HHAT: variants seen among roughly 807,000 people sequenced by gnomAD.
HHAT encodes the protein protein-cysteine N-palmitoyltransferase HHAT.
Under a neutral mutation model 70.8 loss-of-function variants are expected in HHAT, and 47 were observed. That is an observed-to-expected ratio of 0.66 (90% CI 0.53 to 0.85). The LOEUF is 0.85. Ranked by LOEUF, HHAT falls within the 40% of genes least tolerant of loss-of-function variation. The pLI is 0.00. For missense variants in HHAT, 609 were observed against 604.8 expected, an observed-to-expected ratio of 1.01 and a Z score of -0.07; for synonymous variants, 228 against 247.6, an observed-to-expected ratio of 0.92 and a Z score of 0.74.
At chr1:210,605,534 G>A (rs944707462) in intron 10 of HHAT, among the ~76,000 whole-genome samples, 7 of 152,136 alleles carry the variant, frequency 4.6e-5, no homozygotes, top group South Asian at 2.1e-4. Context: ...AAATTGGTCC[G>A]ACTAAAAAGG....
intron 7 of HHAT, among the ~76,000 whole-genome samples, chr1:210,461,640 G>A (rs527551616): frequency 1.3e-5 from 2 of 152,246 alleles, no homozygotes; most frequent in East Asian, 1.9e-4. Context: ...AAAATCAACA[G>A]CAAGACAGCA....
rs11810535 is a variant in HHAT, at chr1:210,486,970, C to A, written c.1007+22315C>A. On this transcript the variant is annotated intron_variant, in intron 8 of 11. Coordinates refer to ENST00000261458, the MANE Select transcript of HHAT (RefSeq NM_018194.6). Reference sequence around the variant, plus strand: ...GTGAAAAGGAGGGATAATGAAGTCCCCAGTCACTCTCAACTTAGAGCCATA... The same window carrying A: ...GTGAAAAGGAGGGATAATGAAGTCCACAGTCACTCTCAACTTAGAGCCATA... Among the ~76,000 whole-genome samples the A allele has an allele frequency of 8.8e-3, 1,338 of 152,262 alleles. 26 individuals are homozygous for A. Among genetic ancestry groups the A allele is most frequent in the African/African-American group, 0.03 (1,261 of 41,548 alleles).
At chr1:210,493,456 C>T (rs114502079) in intron 8 of HHAT, among the ~76,000 whole-genome samples, 2 of 152,100 alleles carry the variant, frequency 1.3e-5, no homozygotes, top group Non-Finnish European at 2.9e-5. Flanking sequence ...GAATAAGGCC[C>T]ACCCACATTA....
At chr1:210,631,117 C>G (rs888753827) in intron 11 of HHAT, 10 of 456,482 alleles carry the variant, frequency 2.2e-5, no homozygotes, top group African/African-American at 2.0e-4. Context: ...AACTATTTTT[C>G]CTGGAATATT....
chr1:210,418,089 C>G (rs1385536958), intron 6 of HHAT, 65 bp from the exon 7 acceptor site: 6 of 1,492,426 alleles, frequency 4.0e-6, no homozygotes, highest in Non-Finnish European at 5.6e-6. Context: ...TATGAAAAAT[C>G]TTATCTAAGG....
At chr1:210,355,612 AT>A in intron 2 of HHAT, among the ~76,000 whole-genome samples, 1 of 152,188 alleles carries the variant, frequency 6.6e-6, no homozygotes, top group East Asian at 1.9e-4. Context: ...GGGTTAAAAA[AT>A]ATATGGATTT....
chr1:210,346,032 C>T (rs1478753407), intron 1 of HHAT, among the ~76,000 whole-genome samples: 1 of 151,396 alleles, frequency 6.6e-6, no homozygotes, highest in South Asian at 2.1e-4. Context: ...CCACTGCACT[C>T]CTGCTTGGGC....
chr1:210,493,011 T>G (rs2094575256), intron 8 of HHAT, among the ~76,000 whole-genome samples: 1 of 152,122 alleles, frequency 6.6e-6, no homozygotes, highest in Non-Finnish European at 1.5e-5. Flanking sequence ...ATTTTTCTAC[T>G]AATGCCTTCA....
chr1:210,576,430 G>A (rs1012949092), intron 9 of HHAT, among the ~76,000 whole-genome samples: 1 of 150,540 alleles, frequency 6.6e-6, no homozygotes. Flanking sequence ...CCCCTTTGGG[G>A]TGTGTGCGTG....
intron 3 of HHAT, among the ~76,000 whole-genome samples, chr1:210,367,144 G>A (rs769120983): frequency 5.3e-5 from 8 of 152,198 alleles, no homozygotes; most frequent in Non-Finnish European, 8.8e-5. Context: ...CAGGGTGATA[G>A]GATAGCACTC....
intron 9 of HHAT, among the ~76,000 whole-genome samples, chr1:210,516,537 G>A (rs553974367): frequency 6.6e-6 from 1 of 152,212 alleles, no homozygotes; most frequent in East Asian, 1.9e-4. Context: ...AAGAGTGAGA[G>A]GGATGGTACT....
chr1:210,584,182 C>T (rs1296353301), intron 9 of HHAT, among the ~76,000 whole-genome samples: 3 of 151,572 alleles, frequency 2.0e-5, no homozygotes, highest in Non-Finnish European at 2.9e-5. Flanking sequence ...CCTCAAGTGA[C>T]CCCCCAGCCT....
intron 10 of HHAT, among the ~76,000 whole-genome samples, chr1:210,594,634 A>G (rs748002936): frequency 5.9e-5 from 9 of 152,116 alleles, no homozygotes; most frequent in Non-Finnish European, 8.8e-5. Context: ...TGTACTTGAT[A>G]TTGCCAATGA....
chr1:210,598,321 C>A (rs371458281), intron 10 of HHAT, among the ~76,000 whole-genome samples: 1 of 151,890 alleles, frequency 6.6e-6, no homozygotes, highest in African/African-American at 2.4e-5. Context: ...GCAAGCACTC[C>A]CTTGGATGCT....
chr1:210,624,474 A>G (rs1048132322), intron 11 of HHAT, among the ~76,000 whole-genome samples: 1 of 152,130 alleles, frequency 6.6e-6, no homozygotes, highest in Non-Finnish European at 1.5e-5. Context: ...CCTACTAGGA[A>G]TTTGCCCTAG....
chr1:210,362,924 A>G lies in HHAT; in HGVS notation c.159+5A>G. On this transcript the variant is annotated splice_donor_5th_base_variant and intron_variant, in intron 3 of 11. Coordinates refer to ENST00000261458, the MANE Select transcript of HHAT (RefSeq NM_018194.6). ...TTATTTGGAGGATTAAAGAAGGTACAAAGTGGATGCATAATAAATCTCAGT... is the reference window on the plus strand; with the variant it reads ...TTATTTGGAGGATTAAAGAAGGTACGAAGTGGATGCATAATAAATCTCAGT... 1.3e-6 allele frequency: 2 copies of G among 1,597,320 alleles called. No individual in the cohort carries two copies. Among genetic ancestry groups the G allele is most frequent in the Non-Finnish European group, 1.7e-6 (2 of 1,164,656 alleles).
At chr1:210,448,769 A>G in intron 7 of HHAT, among the ~76,000 whole-genome samples, 1 of 151,816 alleles carries the variant, frequency 6.6e-6, no homozygotes, top group Non-Finnish European at 1.5e-5. Flanking sequence ...ACATGTTTTT[A>G]TATATAGGCT....
chr1:210,426,960 T>TC (rs2148307374), intron 7 of HHAT, among the ~76,000 whole-genome samples: 1 of 152,286 alleles, frequency 6.6e-6, no homozygotes, highest in South Asian at 2.1e-4. Context: ...TGTGAATCCA[T>TC]CTGGTCCTGG....
At chr1:210,350,939 T>G (rs1404133965) in intron 2 of HHAT, among the ~76,000 whole-genome samples, 1 of 152,186 alleles carries the variant, frequency 6.6e-6, no homozygotes, top group African/African-American at 2.4e-5. Flanking sequence ...ATTCCTAGTT[T>G]TCTGAGAGCT....
Sources: gnomAD v4.1 joint callset for allele counts (sites outside exome capture counted in the v4.1 genomes callset) on GRCh38, gnomAD v4.1.1 for gene constraint, MANE v1.5 for transcripts, NCBI Gene and HGNC (gene_info 2026-07-23, HGNC 2026-07-21) for gene names.